Variants in EXD3 observed in about 807,000 individuals in gnomAD.
EXD3 encodes exonuclease mut-7 homolog.
A neutral mutation model predicts 98.0 loss-of-function variants in EXD3; 92 were observed. The observed-to-expected ratio is 0.94, with a 90% confidence interval of 0.79 to 1.12. The LOEUF (loss-of-function observed/expected upper bound fraction) is 1.12. Among genes scored for constraint, EXD3 ranks in the 50% most tolerant of loss-of-function variants. EXD3 has a pLI of 0.00. For synonymous variants in EXD3, 569 were observed against 526.0 expected (o/e 1.08, Z -1.12); for missense variants, 1,222 against 1,191.6 (o/e 1.03, Z -0.38).
At chr9:137,340,967 G>A (rs984934096) in intron 17 of EXD3, among the ~76,000 whole-genome samples, 2 of 152,226 alleles carry the variant, frequency 1.3e-5, no homozygotes, top group African/African-American at 4.8e-5. Flanking sequence ...CACCCTACCA[G>A]ATATGAAGAT....
intron 1 of EXD3, among the ~76,000 whole-genome samples, chr9:137,417,478 G>A (rs1187570003): frequency 6.6e-6 from 1 of 152,164 alleles, no homozygotes; most frequent in Non-Finnish European, 1.5e-5. Flanking sequence ...GGGAGGCGGC[G>A]TGGCCACACC....
At chr9:137,355,486 G>A (rs1834616094) in intron 8 of EXD3, among the ~76,000 whole-genome samples, 1 of 63,864 alleles carries the variant, frequency 1.6e-5, no homozygotes, top group Non-Finnish European at 3.0e-5. Context: ...GAAGGAGGAA[G>A]GAGGATGGAG....
chr9:137,366,005 C>A, intron 7 of EXD3: 1 of 597,870 alleles, frequency 1.7e-6, no homozygotes, highest in Non-Finnish European at 3.1e-6. Context: ...TGCAGGCACA[C>A]ATGCACATGG....
chr9:137,349,422 T>C lies in EXD3; in HGVS notation c.1604A>G (p.Gln535Arg). Reference sequence around the variant, plus strand: ...CGGCCTCCGGTCCCAGTTGGACAGCTGCTGCGTCTTGTCCAGGGCTGTGCC... The same window carrying C: ...CGGCCTCCGGTCCCAGTTGGACAGCCGCTGCGTCTTGTCCAGGGCTGTGCC... ...VLGTALDKTQ[Q>R]LSNWDRRPLC... The change falls in exon 15 of 22, where the codon CAG (glutamine) becomes CGG (arginine). Residue 535 changes from glutamine to arginine, a missense_variant. Gln to Arg is a conservative substitution (Grantham distance 43). Coordinates refer to ENST00000340951, the MANE Select transcript of EXD3 (RefSeq NM_017820.5). This position sits in a 1 kb window ranked among gnomAD's most constrained non-coding sequence, Gnocchi z 7.4. The C allele has an allele frequency of 6.3e-7, 1 of 1,599,978 alleles. No homozygotes were observed.
intron 17 of EXD3, among the ~76,000 whole-genome samples, chr9:137,336,888 C>T (rs187922716): frequency 1.4e-4 from 22 of 151,802 alleles, no homozygotes; most frequent in South Asian, 4.2e-4. Flanking sequence ...TAAGATAGTA[C>T]GACTAAACCC....
chr9:137,351,571 G>C, intron 12 of EXD3, 43 bp from the exon 13 acceptor site: 1 of 1,535,254 alleles, frequency 6.5e-7, no homozygotes. Flanking sequence ...GGGCCAACTT[G>C]GCTCTGCAGG....
At position 137,323,760 on chromosome 9, in the gene EXD3, G is replaced by T. The variant is rs56750318; in HGVS notation, c.2149C>A (p.Arg717Ser). ...CTGAAGATGTCTGCGTGGGTGACAC[G>T]CACGTTGAAATGCTTGAGCACAGCC... ...AKAVLKHFNV[R>S]VTHADIFSRC... Residue 717 changes from arginine (R) to serine (S), a missense_variant, in exon 19 of 22, where the codon CGT (arginine) becomes AGT (serine). Transcript: ENST00000340951. The T allele has an allele frequency of 1.2e-5, 20 of 1,612,288 alleles. No homozygotes were observed. The Admixed American group carries it at 3.2e-4, about 26-fold the overall frequency.
At position 137,387,157 on chromosome 9, in the gene EXD3, C is replaced by T. The variant is rs1280936927; in HGVS notation, c.56-3780G>A. Among the ~76,000 whole-genome samples the T allele has an allele frequency of 7.8e-5, 6 of 76,830 alleles. No individual in the cohort carries two copies. The African/African-American group carries it at 1.0e-3, about 13-fold the overall frequency. The allele number at this position is 76,830 out of a possible 152,430, so 50.4% of individuals were successfully genotyped here. A position where few individuals can be genotyped will look rare whatever the true frequency, so the allele number is the denominator to read the frequency against. On this transcript the variant is annotated intron_variant, in intron 2 of 21. Transcript: ENST00000340951. ...CCTCTGTTCCCTGCCTGGCCCTCGGCCCCCGCTCCCTGCCTGGCCCCCGGC... is the reference window on the plus strand; with the variant it reads ...CCTCTGTTCCCTGCCTGGCCCTCGGTCCCCGCTCCCTGCCTGGCCCCCGGC...
In EXD3 at chr9:137,371,019, G is replaced by A. The variant is rs1445913291; in HGVS notation, c.462+1886C>T. The stretch of plus-strand genomic sequence containing the variant: ...TCGGCCGGGCGCGGCGGTGAGCAGT[G>A]GAGCATGCATCGCCTGCCGGGCGGC... On this transcript the variant is annotated intron_variant, in intron 5 of 21. Coordinates refer to ENST00000340951, the MANE Select transcript of EXD3 (RefSeq NM_017820.5). The surrounding 1 kb of genome is among the most constrained non-coding windows in gnomAD (Gnocchi z 8.0). Among the ~76,000 whole-genome samples, 1 of 152,216 alleles carries A rather than the reference G, an allele frequency of 6.6e-6. No homozygotes were observed. Among genetic ancestry groups the A allele is most frequent in the African/African-American group, 2.4e-5 (1 of 41,452 alleles).
intron 7 of EXD3, chr9:137,365,058 G>C (rs185051518): frequency 6.6e-6 from 1 of 151,688 alleles, no homozygotes; most frequent in Non-Finnish European, 1.5e-5. Flanking sequence ...GTGAGCCGCC[G>C]AGCCCGGCCC....
chr9:137,307,254 G>A lies in EXD3; in HGVS notation c.2327C>T (p.Pro776Leu). Residue 776 changes from proline to leucine, a missense_variant, in exon 22 of 22, where the codon CCA becomes CTA. Physicochemically the swap from Pro to Leu is moderately conservative, Grantham distance 98. Coordinates refer to ENST00000340951, the MANE Select transcript of EXD3 (RefSeq NM_017820.5). ...SQAVQEPGPA[P>L]DAAPEGCTYD... Reference sequence around the variant, plus strand: ...GGTGCAGCCCTCAGGGGCTGCGTCTGGGGCTGGGCCTGGACAGATAGAAGT... The same window carrying A: ...GGTGCAGCCCTCAGGGGCTGCGTCTAGGGCTGGGCCTGGACAGATAGAAGT... The A allele has an allele frequency of 6.5e-7, 1 of 1,537,324 alleles. No homozygotes were observed. The highest frequency in any genetic ancestry group is 8.7e-7 in the Non-Finnish European group (1 of 1,143,876).
chr9:137,373,341 G>C (rs1835734800), intron 4 of EXD3, 85 bp downstream of exon 4: 1 of 1,489,402 alleles, frequency 6.7e-7, no homozygotes, highest in Non-Finnish European at 9.1e-7. Context: ...GGGCTGCAAA[G>C]GCCTGGGCAG....
At position 137,353,570 on chromosome 9, in the gene EXD3, T is replaced by A. The variant is rs937094261; in HGVS notation, c.870+769A>T. 5.3e-5 allele frequency: 52 copies of A among 985,654 alleles called. No individual in the cohort carries two copies. In the African/African-American group the frequency reaches 8.0e-4, roughly 15 times the overall value. 61.1% of individuals were successfully genotyped at this position (985,654 alleles called of 1,614,324 possible). A position where few individuals can be genotyped will look rare whatever the true frequency, so the allele number is the denominator to read the frequency against. On this transcript the variant is annotated intron_variant, in intron 10 of 21. Transcript: ENST00000340951. ...ACCAAGGGGGTCCTGAGAAACCTCA[T>A]CCTCACCAGGGTGAGCTCTCTCCCA... is the stretch of plus-strand genomic sequence containing the variant.
chr9:137,338,157 A>G (rs1159275480), intron 17 of EXD3, among the ~76,000 whole-genome samples: 2 of 152,202 alleles, frequency 1.3e-5, no homozygotes, highest in South Asian at 2.1e-4. Flanking sequence ...CTACAAAGCA[A>G]ATCTTAAGAA....
At chr9:137,401,769 G>A (rs553559471) in intron 1 of EXD3, among the ~76,000 whole-genome samples, 1 of 152,202 alleles carries the variant, frequency 6.6e-6, no homozygotes, top group Admixed American at 6.5e-5. Context: ...CCTGGGCCCA[G>A]CCCACAAAAC....
chr9:137,366,005 C>T (rs916690527), intron 7 of EXD3: 39 of 597,752 alleles, frequency 6.5e-5, no homozygotes, highest in African/African-American at 6.2e-4. Context: ...TGCAGGCACA[C>T]ATGCACATGG....
At position 137,349,841 on chromosome 9, in the gene EXD3, T is replaced by C. The variant is rs73581558; in HGVS notation, c.1495-310A>G. Among the ~76,000 whole-genome samples the C allele has an allele frequency of 0.061, 9,237 of 152,100 alleles. 310 individuals carry two copies. The highest frequency in any genetic ancestry group is 0.11 in the East Asian group (592 of 5,156). On this transcript the variant is annotated intron_variant, in intron 14 of 21. Coordinates refer to ENST00000340951, the MANE Select transcript of EXD3 (RefSeq NM_017820.5). This position sits in a 1 kb window ranked among gnomAD's most constrained non-coding sequence, Gnocchi z 7.4. ...CTGAGTCTGTGTGGCCAGCTCTCTG[T>C]CTCTGTTTTATCTTCAGAAGAGGAG...
intron 19 of EXD3, among the ~76,000 whole-genome samples, chr9:137,312,615 T>C (rs1588218314): frequency 6.6e-6 from 1 of 150,772 alleles, no homozygotes; most frequent in South Asian, 2.1e-4. Context: ...CAAGGAGGAG[T>C]GAGGGAAAGA....
At chr9:137,321,283 G>C (rs2119090424) in intron 19 of EXD3, among the ~76,000 whole-genome samples, 1 of 152,324 alleles carries the variant, frequency 6.6e-6, no homozygotes, top group Admixed American at 6.5e-5. Context: ...ATGGGGTGGA[G>C]CTGAGCTCAG....
Sources: gnomAD v4.1 joint callset for allele counts (sites outside exome capture counted in the v4.1 genomes callset) on GRCh38, gnomAD v4.1.1 for gene constraint, Gnocchi (gnomAD v3.1) non-coding constraint, MANE v1.5 for transcripts, NCBI Gene and HGNC (gene_info 2026-07-23, HGNC 2026-07-21) for gene names.